The following ITGA3 variants were observed in gnomAD, a reference collection of about 807,000 sequenced individuals.
The protein encoded by ITGA3 is integrin alpha-3.
Under a neutral mutation model 131.1 loss-of-function variants are expected in ITGA3, and 70 were observed. That is an observed-to-expected ratio of 0.53 (90% confidence interval 0.44 to 0.65). The LOEUF is 0.65. ITGA3 is among the 30% of genes least tolerant of loss of function. ITGA3 has a pLI of 0.00. For synonymous variants in ITGA3, 537 were observed against 571.6 expected (o/e 0.94, Z 0.86); for missense variants, 1,098 against 1,388.6 (o/e 0.79, Z 3.33).
At chr17:50,086,697 A>AG (rs1482193541) in intron 23 of ITGA3, 1 of 150,938 alleles carries the variant, frequency 6.6e-6, no homozygotes, top group African/African-American at 2.4e-5. Flanking sequence ...TCAAAAAAAA[A>AG]AAAAAAAAAA....
At position 50,089,853 on chromosome 17, in the gene ITGA3, A is replaced by T. The variant is rs1909634193; in HGVS notation, c.*775A>T. 5.8e-6 allele frequency: 1 copy of T among 173,534 alleles called. No individual in the cohort carries two copies. Among genetic ancestry groups the T allele is most frequent in the South Asian group, 1.4e-4 (1 of 7,400 alleles). 10.7% of individuals were successfully genotyped at this position (173,534 alleles called of 1,614,324 possible). On this transcript the variant is annotated 3_prime_UTR_variant, in exon 26 of 26. Coordinates refer to ENST00000320031, the MANE Select transcript of ITGA3 (RefSeq NM_002204.4). ...GCTCAGACCCAACAGCAAAGGAACTAGAAAGAAGGACCCAGAACGGCTTGC... is the reference window on the plus strand; with the variant it reads ...GCTCAGACCCAACAGCAAAGGAACTTGAAAGAAGGACCCAGAACGGCTTGC...
Position 50,077,017 on chromosome 17 carries a change from A to G in ITGA3, c.1966A>G (p.Asn656Asp). The change falls in exon 15 of 26, where the codon AAC becomes GAC. Residue 656 changes from asparagine to aspartate, a missense_variant. Asn to Asp is a conservative substitution (Grantham distance 23). This residue lies in a region of ITGA3 where 699 missense variants were observed against 829.2 expected (regional missense o/e 0.84). Coordinates refer to ENST00000320031, the MANE Select transcript of ITGA3 (RefSeq NM_002204.4). Reference sequence around the variant, plus strand: ...CGTCCGGAAATTGCTCCTGAGCATCAACGTGACGAACACCCGGACCTCGGA... The same window carrying G: ...CGTCCGGAAATTGCTCCTGAGCATCGACGTGACGAACACCCGGACCTCGGA... Reference protein sequence around the residue: ...RDVRKLLLSINVTNTRTSERS... With the variant: ...RDVRKLLLSIDVTNTRTSERS... 1 of 1,611,594 alleles carries G rather than the reference A, an allele frequency of 6.2e-7. No homozygotes were observed. The highest frequency in any genetic ancestry group is 8.5e-7 in the Non-Finnish European group (1 of 1,178,776).
chr17:50,076,398 C>G lies in ITGA3; in HGVS notation c.1747C>G (p.Arg583Gly). 6.2e-7 allele frequency: 1 copy of G among 1,612,980 alleles called. No individual in the cohort carries two copies. The highest frequency in any genetic ancestry group is 8.5e-7 in the Non-Finnish European group (1 of 1,179,982). The change falls in exon 13 of 26, where the codon CGC becomes GGC. Residue 583 changes from arginine (R) to glycine (G), a missense_variant. Arg to Gly is a moderately radical substitution (Grantham distance 125). This residue lies in a region of ITGA3 where 699 missense variants were observed against 829.2 expected (regional missense o/e 0.84). Coordinates refer to ENST00000320031, the MANE Select transcript of ITGA3 (RefSeq NM_002204.4). ...NYSLPLRMPD[R>G]PRLGLRSLDA... ...CTCTTTACCTTTGCGGATGCCCGAT[C>G]GCCCCCGGCTGGGGCTGCGGTCCCT... is the stretch of plus-strand genomic sequence containing the variant.
chr17:50,079,221 C>G lies in ITGA3; in HGVS notation c.2546C>G (p.Pro849Arg). 2.5e-6 allele frequency: 4 copies of G among 1,614,098 alleles called. No homozygotes were observed. The highest frequency in any genetic ancestry group is 3.3e-4 in the Middle Eastern group (2 of 6,062). Residue 849 changes from proline to arginine, a missense_variant, in exon 20 of 26, where the codon CCT becomes CGT. Pro to Arg is a moderately radical substitution (Grantham distance 103, BLOSUM62 -2). This residue lies in a region of ITGA3 where 699 missense variants were observed against 829.2 expected (regional missense o/e 0.84). Transcript: ENST00000320031. Reference sequence around the variant, plus strand: ...AATGGGTCCTGGCCCTGCCGACCACCTGGAGACCTTATCAACCCTCTCAAC... The same window carrying G: ...AATGGGTCCTGGCCCTGCCGACCACGTGGAGACCTTATCAACCCTCTCAAC... ...HGNGSWPCRP[P>R]GDLINPLNLT...
rs1248227320 is a variant in ITGA3, at chr17:50,090,358, G to T, written c.*1280G>T. ...AACCTCTCCTGACCCCTGCCTGTTGGCAGGCCCACTCCCCAGCCCCAGCCC... is the reference window on the plus strand; with the variant it reads ...AACCTCTCCTGACCCCTGCCTGTTGTCAGGCCCACTCCCCAGCCCCAGCCC... On this transcript the variant is annotated 3_prime_UTR_variant, in exon 26 of 26. Transcript: ENST00000320031. The T allele has an allele frequency of 9.5e-6, 4 of 419,978 alleles. No individual in the cohort carries two copies. Among genetic ancestry groups the T allele is most frequent in the Non-Finnish European group, 2.0e-5 (4 of 201,164 alleles). The allele number at this position is 419,978 out of a possible 1,614,324, so 26.0% of individuals were successfully genotyped here. A position where few individuals can be genotyped will look rare whatever the true frequency, so the allele number is the denominator to read the frequency against.
In ITGA3 at chr17:50,073,626, A is replaced by ACACACACACG. The variant is rs1555555001; in HGVS notation, c.1157-283_1157-282insACGCACACAC. Among the ~76,000 whole-genome samples the ACACACACACG allele has an allele frequency of 3.5e-4, 47 of 134,130 alleles. 1 individual carries two copies. The highest frequency in any genetic ancestry group is 1.3e-3 in the African/African-American group (47 of 36,408). 88.0% of individuals were successfully genotyped at this position (134,130 alleles called of 152,430 possible). A position where few individuals can be genotyped will look rare whatever the true frequency, so the allele number is the denominator to read the frequency against. On this transcript the variant is annotated intron_variant, in intron 7 of 25. Transcript: ENST00000320031. Reference sequence around the variant, plus strand: ...CACACACACACACACACACACACACACACACACGCACACACGCACACACAC... The same window carrying ACACACACACG: ...CACACACACACACACACACACACACACACACACACGCACACACGCACACACGCACACACAC...
rs1192219432 is a variant in ITGA3 at position 50,077,200 on chromosome 17, G to T, written c.2070+79G>T. On this transcript the variant is annotated intron_variant, in intron 15 of 25. Transcript: ENST00000320031. ...ATCCCCATATCCATGTCCTGTGCAG[G>T]TGTTGTCGTCTGCCACGTGCCCACC... The T allele has an allele frequency of 2.8e-6, 4 of 1,438,450 alleles. No homozygotes were observed. In the East Asian group the frequency reaches 9.9e-5, roughly 36 times the overall value. The allele number at this position is 1,438,450 out of a possible 1,614,324, so 89.1% of individuals were successfully genotyped here.
At chr17:50,077,952 G>A (rs533665731) in intron 16 of ITGA3, 94 bp from the exon 17 acceptor site, 213 of 1,062,552 alleles carry the variant, frequency 2.0e-4, no homozygotes, top group South Asian at 9.0e-4. Flanking sequence ...AGGCCAGAAA[G>A]CCAACTAGAA....
chr17:50,088,200 C>T (rs1010647672), intron 24 of ITGA3, 25 bp from the exon 25 acceptor site: 60 of 1,546,408 alleles, frequency 3.9e-5, no homozygotes, highest in East Asian at 9.8e-5. Context: ...CCTGATGGCC[C>T]GTCCCCACCT....
intron 1 of ITGA3, among the ~76,000 whole-genome samples, chr17:50,060,912 G>A (rs1908046674): frequency 6.6e-6 from 1 of 152,144 alleles, no homozygotes; most frequent in Non-Finnish European, 1.5e-5. Context: ...CATTTCATTT[G>A]CATACAGTAA....
At chr17:50,058,337 C>T (rs1907924106) in intron 1 of ITGA3, among the ~76,000 whole-genome samples, 1 of 152,184 alleles carries the variant, frequency 6.6e-6, no homozygotes, top group Non-Finnish European at 1.5e-5. Flanking sequence ...AATACCTGAA[C>T]CTGAATTTCC....
chr17:50,081,346 T>G lies in ITGA3; in HGVS notation c.2857T>G (p.Trp953Gly). ...RDFDRVRVNG[W>G]ATLFLRTSIP... ...CTTTGACCGAGTCCGGGTAAATGGC[T>G]GGGCTACCCTATTCCTCCGAACCAG... Residue 953 changes from tryptophan (W) to glycine (G), a missense_variant, in exon 23 of 26, where the codon TGG becomes GGG. This residue lies in a region of ITGA3 where 699 missense variants were observed against 829.2 expected (regional missense o/e 0.84). Coordinates refer to ENST00000320031, the MANE Select transcript of ITGA3 (RefSeq NM_002204.4). The G allele has an allele frequency of 6.3e-7, 1 of 1,593,710 alleles. No homozygotes were observed. The highest frequency in any genetic ancestry group is 8.6e-7 in the Non-Finnish European group (1 of 1,168,642).
rs1175893719 is a variant in ITGA3 at position 50,064,630 on chromosome 17, C to T, written c.414+23C>T. On this transcript the variant is annotated intron_variant, in intron 3 of 25. Transcript: ENST00000320031. The surrounding 1 kb of genome is among the most constrained non-coding windows in gnomAD (Gnocchi z 4.4). ...CTGGTAAGTGGGTGCTCAGTGTTGG[C>T]TCCTCCACCTCTACCCGGCTCTCCC... 6.3e-7 allele frequency: 1 copy of T among 1,591,636 alleles called. No homozygotes were observed. Among genetic ancestry groups the T allele is most frequent in the East Asian group, 2.2e-5 (1 of 44,586 alleles).
chr17:50,085,263 G>A (rs1909337659), intron 23 of ITGA3, among the ~76,000 whole-genome samples: 2 of 151,886 alleles, frequency 1.3e-5, no homozygotes, highest in East Asian at 1.9e-4. Context: ...GCTGAAGGGT[G>A]TATGTGACAT....
chr17:50,062,595 C>T (rs1567696408), intron 1 of ITGA3, among the ~76,000 whole-genome samples: 2 of 152,178 alleles, frequency 1.3e-5, no homozygotes, highest in South Asian at 4.1e-4. Context: ...GGCAAGGTCC[C>T]ACCCCCTTCC....
In ITGA3 at chr17:50,071,381, G is replaced by C; in HGVS notation, c.822G>C (p.Arg274=). ...TCACCATTGTGACAGGTGCCCCACG[G>C]CACCGACATATGGGCGCGGTGTTCT... ...KNITIVTGAP[R]HRHMGAVFLL... The change falls in exon 6 of 26, where the codon CGG becomes CGC. Residue 274 remains arginine (R), a synonymous_variant. Transcript: ENST00000320031. The C allele has an allele frequency of 6.2e-7, 1 of 1,614,212 alleles. No homozygotes were observed. Among genetic ancestry groups the C allele is most frequent in the Non-Finnish European group, 8.5e-7 (1 of 1,180,046 alleles).
intron 1 of ITGA3, among the ~76,000 whole-genome samples, chr17:50,058,905 C>T (rs1567695335): frequency 6.6e-6 from 1 of 152,148 alleles, no homozygotes; most frequent in Non-Finnish European, 1.5e-5. Flanking sequence ...AACTGGGGTT[C>T]GTAGAAGGTT....
Position 50,074,021 on chromosome 17 carries a change from A to G in ITGA3, c.1245+17A>G, listed in dbSNP as rs768382419. ...CCCCAGCAGGTACAGAGAGACGGGG[A>G]TGGGTCTGCTGCCCCCACCAGCCGA... On this transcript the variant is annotated intron_variant, in intron 8 of 25. Transcript: ENST00000320031. 1 of 1,589,182 alleles carries G rather than the reference A, an allele frequency of 6.3e-7. No homozygotes were observed. Among genetic ancestry groups the G allele is most frequent in the Non-Finnish European group, 8.6e-7 (1 of 1,157,446 alleles).
At position 50,066,446 on chromosome 17, in the gene ITGA3, A is replaced by G. The variant is rs943465012; in HGVS notation, c.415-1610A>G. On this transcript the variant is annotated intron_variant, in intron 3 of 25. Coordinates refer to ENST00000320031, the MANE Select transcript of ITGA3 (RefSeq NM_002204.4). ...GTGATCCTCCTGCCTCGGCCTCCCA[A>G]GTAGTTGGGATTATAGGCAAGAGCA... 4.5e-4 allele frequency among the ~76,000 whole-genome samples: 69 copies of G among 151,906 alleles called. 1 individual carries two copies. Among genetic ancestry groups the G allele is most frequent in the African/African-American group, 1.6e-3 (68 of 41,426 alleles).
Sources: gnomAD v4.1 joint callset for allele counts (sites outside exome capture counted in the v4.1 genomes callset) on GRCh38, gnomAD v4.1.1 for gene constraint, gnomAD v4.1.1 regional missense constraint, Gnocchi (gnomAD v3.1) non-coding constraint, MANE v1.5 for transcripts, NCBI Gene and HGNC (gene_info 2026-07-23, HGNC 2026-07-21) for gene names.